CPM: variants seen among roughly 807,000 people sequenced by gnomAD.
CPM encodes the protein carboxypeptidase M.
In CPM, 35 loss-of-function variants were observed where a neutral mutation model predicts 46.4. That is an observed-to-expected ratio of 0.75 (90% CI 0.58 to 1.00). The LOEUF is 1.00. Ranked by LOEUF, CPM falls within the 50% of genes least tolerant of loss-of-function variation. The pLI is 0.00. For synonymous variants in CPM, 195 were observed against 195.3 expected, an observed-to-expected ratio of 1.00 and a Z score of 0.01; for missense variants, 422 against 530.4, an observed-to-expected ratio of 0.80 and a Z score of 2.01.
intron 2 of CPM, among the ~76,000 whole-genome samples, chr12:68,910,250 A>G (rs1027944152): frequency 3.3e-5 from 5 of 152,236 alleles, no homozygotes; most frequent in Non-Finnish European, 2.9e-5. Context: ...ACCACAGAAT[A>G]GTTTGAAACA....
chr12:68,891,428 A>G (rs1190141389), intron 2 of CPM, among the ~76,000 whole-genome samples: 1 of 152,240 alleles, frequency 6.6e-6, no homozygotes, highest in Non-Finnish European at 1.5e-5. Flanking sequence ...GACAAAAGGC[A>G]TGGGCGAAGT....
At chr12:68,940,124 C>T (rs758545099) in intron 1 of CPM, among the ~76,000 whole-genome samples, 3 of 150,076 alleles carry the variant, frequency 2.0e-5, no homozygotes, top group Non-Finnish European at 3.0e-5. Flanking sequence ...CTTCTTTCAT[C>T]TCATTTTTTA....
intron 7 of CPM, among the ~76,000 whole-genome samples, chr12:68,859,954 T>C (rs1885136830): frequency 6.6e-6 from 1 of 152,142 alleles, no homozygotes; most frequent in Admixed American, 6.6e-5. Context: ...ATAACATAAA[T>C]GAGAATGAAG....
At chr12:68,864,798 G>A (rs1327961232) in intron 7 of CPM, among the ~76,000 whole-genome samples, 1 of 152,198 alleles carries the variant, frequency 6.6e-6, no homozygotes, top group South Asian at 2.1e-4. Context: ...GATCGCTTGA[G>A]CCCAGGAGTT....
intron 3 of CPM, among the ~76,000 whole-genome samples, chr12:68,884,333 C>A (rs1402909537): frequency 6.6e-6 from 1 of 152,120 alleles, no homozygotes; most frequent in African/African-American, 2.4e-5. Context: ...GCACCCACCC[C>A]AAAATCGGGT....
chr12:68,850,857 A>G (rs1884637008), downstream of CPM, among the ~76,000 whole-genome samples: 1 of 152,172 alleles, frequency 6.6e-6, no homozygotes, highest in South Asian at 2.1e-4. Flanking sequence ...ATTAATATAA[A>G]TTGTGAATTT....
chr12:68,926,248 T>A (rs1186164159), intron 2 of CPM, among the ~76,000 whole-genome samples: 1 of 152,162 alleles, frequency 6.6e-6, no homozygotes, highest in Non-Finnish European at 1.5e-5. Context: ...TATTTCTTAT[T>A]TAACATATCT....
intron 2 of CPM, chr12:68,913,778 C>G (rs980019857): frequency 7.3e-6 from 4 of 548,234 alleles, no homozygotes; most frequent in Admixed American, 6.1e-5. Context: ...AAATCCCATG[C>G]GGAAACCCAG....
chr12:68,872,179 T>C (rs1350165937), intron 3 of CPM, among the ~76,000 whole-genome samples: 2 of 151,912 alleles, frequency 1.3e-5, no homozygotes, highest in East Asian at 1.9e-4. Flanking sequence ...AGAGTGAAAG[T>C]ACCTATTTGT....
intron 6 of CPM, 68 bp from the exon 7 acceptor site, chr12:68,867,116 C>T (rs945780880): frequency 2.1e-5 from 31 of 1,498,564 alleles, no homozygotes; most frequent in African/African-American, 1.2e-4. Context: ...TCACGTGCCT[C>T]GGGGACAAAT....
At chr12:68,951,282 T>C (rs1198024933) in intron 1 of CPM, among the ~76,000 whole-genome samples, 2 of 152,268 alleles carry the variant, frequency 1.3e-5, no homozygotes, top group African/African-American at 2.4e-5. Flanking sequence ...ACAATGTTTT[T>C]GAGGCTTTCA....
At chr12:68,879,684 G>A (rs1886105539) in intron 3 of CPM, among the ~76,000 whole-genome samples, 1 of 152,084 alleles carries the variant, frequency 6.6e-6, no homozygotes, top group Non-Finnish European at 1.5e-5. Flanking sequence ...AATTCTTTAA[G>A]CACACAGTCA....
intron 2 of CPM, chr12:68,914,066 C>G (rs1353652381): frequency 1.6e-6 from 1 of 643,888 alleles, no homozygotes; most frequent in Admixed American, 2.0e-5. Flanking sequence ...ATGCTATAAA[C>G]AGGCTTGGAA....
At chr12:68,909,876 A>T (rs979601076) in intron 2 of CPM, among the ~76,000 whole-genome samples, 1 of 151,706 alleles carries the variant, frequency 6.6e-6, no homozygotes, top group Non-Finnish European at 1.5e-5. Context: ...TAGGAGAAAT[A>T]CCTAATGTAG....
chr12:68,932,881 A>C, intron 1 of CPM, 41 bp from the exon 2 acceptor site: 19 of 1,589,560 alleles, frequency 1.2e-5, no homozygotes, highest in East Asian at 2.2e-5. Flanking sequence ...AGAACACATG[A>C]GGGCAGGCGG....
chr12:68,918,649 A>G (rs1887911426), intron 2 of CPM, among the ~76,000 whole-genome samples: 1 of 151,960 alleles, frequency 6.6e-6, no homozygotes, highest in South Asian at 2.1e-4. Flanking sequence ...ATCCAACCCA[A>G]CCCAACCCAA....
intron 1 of CPM, among the ~76,000 whole-genome samples, chr12:68,938,971 T>C (rs1312792524): frequency 1.4e-5 from 2 of 147,988 alleles, no homozygotes; most frequent in Non-Finnish European, 3.0e-5. Flanking sequence ...ATAGTACATA[T>C]ATGTAAGTAT....
At chr12:68,941,751 A>G (rs1303781466) in intron 1 of CPM, among the ~76,000 whole-genome samples, 1 of 152,196 alleles carries the variant, frequency 6.6e-6, no homozygotes, top group African/African-American at 2.4e-5. Flanking sequence ...TTGGGCATTT[A>G]TCTTAAGCTG....
intron 4 of CPM, chr12:68,871,579 C>A (rs1402935892): frequency 3.0e-5 from 17 of 574,204 alleles, no homozygotes; most frequent in South Asian, 9.4e-5. Flanking sequence ...TAGGTGGGCA[C>A]CGGGGCAAAG....
Sources: gnomAD v4.1 joint callset for allele counts (sites outside exome capture counted in the v4.1 genomes callset) on GRCh38, gnomAD v4.1.1 for gene constraint, MANE v1.5 for transcripts, NCBI Gene and HGNC (gene_info 2026-07-23, HGNC 2026-07-21) for gene names.